The following ZNF107 variants were observed in gnomAD, a reference collection of about 807,000 sequenced individuals.
The protein encoded by ZNF107 is C2H2 type zinc-finger protein.
In ZNF107, 19 loss-of-function variants were observed where a neutral mutation model predicts 12.3. That is an observed-to-expected ratio of 1.55 (90% CI 1.08 to 2.27). ZNF107 has a LOEUF of 2.27. Among genes scored for constraint, ZNF107 ranks in the 30% most tolerant of loss-of-function variants. The pLI is 0.00. For missense variants in ZNF107, 958 were observed against 979.9 expected (o/e 0.98, Z 0.30); for synonymous variants, 317 against 330.5 (o/e 0.96, Z 0.44).
intron 1 of ZNF107, chr7:64,684,807 A>G (rs1206378329): frequency 1.2e-6 from 1 of 857,736 alleles, no homozygotes. Context: ...CTCTTTATCT[A>G]TCCCTCCTGC....
Position 64,706,890 on chromosome 7 carries a change from G to T in ZNF107, c.793G>T (p.Ala265Ser), listed in dbSNP as rs769120990. 1.2e-6 allele frequency: 2 copies of T among 1,613,074 alleles called. No homozygotes were observed. The highest frequency in any genetic ancestry group is 2.7e-5 in the African/African-American group (2 of 74,840). Residue 265 changes from alanine (A) to serine (S), a missense_variant, in exon 4 of 4, where the codon GCC (alanine) becomes TCC (serine). Ala to Ser is a moderately conservative substitution (Grantham distance 99). Coordinates refer to ENST00000620827, the MANE Select transcript of ZNF107 (RefSeq NM_001282359.2). Reference sequence around the variant, plus strand: ...CAACAAATGTGAAGAATGTGGCAAGGCCTTTAAACAGGCCTCACACCTTAC... The same window carrying T: ...CAACAAATGTGAAGAATGTGGCAAGTCCTTTAAACAGGCCTCACACCTTAC... ...KPNKCEECGK[A>S]FKQASHLTIH...
intron 3 of ZNF107, among the ~76,000 whole-genome samples, chr7:64,699,234 C>CT (rs1790390886): frequency 6.6e-6 from 1 of 152,048 alleles, no homozygotes. Flanking sequence ...TTGTTCACCA[C>CT]TGTATGTTAT....
At chr7:64,699,370 A>G (rs1333411815) in intron 3 of ZNF107, among the ~76,000 whole-genome samples, 1 of 152,128 alleles carries the variant, frequency 6.6e-6, no homozygotes, top group Non-Finnish European at 1.5e-5. Flanking sequence ...AGGTTTATTC[A>G]GTTTTGTCAG....
intron 1 of ZNF107, among the ~76,000 whole-genome samples, chr7:64,667,125 C>G (rs934908317): frequency 3.9e-5 from 6 of 152,180 alleles, no homozygotes; most frequent in African/African-American, 7.2e-5. Context: ...CAGATTTTCC[C>G]CTGCAACTTT....
At position 64,707,378 on chromosome 7, in the gene ZNF107, T is replaced by C; in HGVS notation, c.1281T>C (p.Cys427=). 6.2e-7 allele frequency: 1 copy of C among 1,613,488 alleles called. No homozygotes were observed. The highest frequency in any genetic ancestry group is 1.1e-5 in the South Asian group (1 of 91,060). The part of the protein sequence containing the change: ...IIHTGEKPYK[C]KECGKAFNQS... The stretch of plus-strand genomic sequence containing the variant: ...ATACTGGAGAGAAACCCTACAAATG[T>C]AAAGAATGTGGCAAAGCTTTTAACC... Residue 427 remains cysteine, a synonymous_variant, in exon 4 of 4, where the codon TGT becomes TGC. Coordinates refer to ENST00000620827, the MANE Select transcript of ZNF107 (RefSeq NM_001282359.2).
At position 64,702,774 on chromosome 7, in the gene ZNF107, C is replaced by T. The variant is rs572184821; in HGVS notation, c.227-3550C>T. Among the ~76,000 whole-genome samples, 209 of 151,782 alleles carry T rather than the reference C, an allele frequency of 1.4e-3. 1 individual carries two copies. Among genetic ancestry groups the T allele is most frequent in the Non-Finnish European group, 3.7e-4 (25 of 67,966 alleles). ...GTTTCTCCATGTTGGTCAGGCTGTT[C>T]TCGAACTCTCCCGACCTCAGGTGAT... On this transcript the variant is annotated intron_variant, in intron 3 of 3. Coordinates refer to ENST00000620827, the MANE Select transcript of ZNF107 (RefSeq NM_001282359.2).
At position 64,708,471 on chromosome 7, in the gene ZNF107, G is replaced by A. The variant is rs1299883582; in HGVS notation, c.2374G>A (p.Glu792Lys). 1 of 1,612,810 alleles carries A rather than the reference G, an allele frequency of 6.2e-7. No individual in the cohort carries two copies. The highest frequency in any genetic ancestry group is 8.5e-7 in the Non-Finnish European group (1 of 1,179,540). ...TACTTCAGAGAAACCCTACAAATGT[G>A]AAGAATGTGGCAAATCCTTTAACCA... ...IHTSEKPYKCEECGKSFNQFS... is the reference protein window; with the variant it reads ...IHTSEKPYKCKECGKSFNQFS... Residue 792 changes from glutamate (E) to lysine (K), a missense_variant, in exon 4 of 4, where the codon GAA becomes AAA. Physicochemically the swap from Glu to Lys is moderately conservative, Grantham distance 56 (BLOSUM62 1). Coordinates refer to ENST00000620827, the MANE Select transcript of ZNF107 (RefSeq NM_001282359.2).
Position 64,691,352 on chromosome 7 carries a change from C to T in ZNF107, c.108C>T (p.Asn36=). ...RDLYRNVLLE[N]YRNLVFLGIA... Reference sequence around the variant, plus strand: ...TATATAGGAATGTGTTGTTAGAGAACTACAGAAACCTGGTCTTTTTGGGTG... The same window carrying T: ...TATATAGGAATGTGTTGTTAGAGAATTACAGAAACCTGGTCTTTTTGGGTG... Residue 36 remains asparagine (N), a synonymous_variant, in exon 2 of 4, where the codon AAC becomes AAT. Transcript: ENST00000620827. The T allele has an allele frequency of 6.6e-7, 1 of 1,505,398 alleles. No homozygotes were observed. The highest frequency in any genetic ancestry group is 8.9e-7 in the Non-Finnish European group (1 of 1,129,322). The allele number at this position is 1,505,398 out of a possible 1,614,324, so 93.3% of individuals were successfully genotyped here. A position where few individuals can be genotyped will look rare whatever the true frequency, so the allele number is the denominator to read the frequency against.
At chr7:64,671,682 A>G (rs746466367) in intron 1 of ZNF107, among the ~76,000 whole-genome samples, 22 of 151,912 alleles carry the variant, frequency 1.4e-4, no homozygotes, top group Non-Finnish European at 2.8e-4. Context: ...TTTGTTATAT[A>G]GGTAAAATTG....
At chr7:64,690,587 T>G in intron 1 of ZNF107, 1 of 948,794 alleles carries the variant, frequency 1.1e-6, no homozygotes. Flanking sequence ...TGCAGAGACA[T>G]TCCATTTAGC....
intron 1 of ZNF107, among the ~76,000 whole-genome samples, chr7:64,688,438 G>A (rs1000727373): frequency 5.3e-5 from 8 of 151,844 alleles, no homozygotes; most frequent in Admixed American, 6.6e-5. Flanking sequence ...TGTATGTTTA[G>A]TGGAAGGGGG....
chr7:64,708,859 C>T lies in ZNF107; in HGVS notation c.*203C>T, dbSNP rs1046966364. 3.2e-5 allele frequency: 20 copies of T among 619,522 alleles called. No homozygotes were observed. In the Admixed American group the frequency reaches 3.7e-4, roughly 11 times the overall value. The allele number at this position is 619,522 out of a possible 1,614,324, so 38.4% of individuals were successfully genotyped here. On this transcript the variant is annotated 3_prime_UTR_variant, in exon 4 of 4. Coordinates refer to ENST00000620827, the MANE Select transcript of ZNF107 (RefSeq NM_001282359.2). ...AACCTTACTGAAAGTTGAGAAAATT[C>T]GTACTGGAGAGAATCCTACAAATGT... is the stretch of plus-strand genomic sequence containing the variant.
rs1241598399 is a variant in ZNF107, at chr7:64,711,098, A to G, written c.*2442A>G. 2.0e-5 allele frequency: 3 copies of G among 152,160 alleles called. No homozygotes were observed. Among genetic ancestry groups the G allele is most frequent in the Non-Finnish European group, 4.4e-5 (3 of 67,990 alleles). The allele number at this position is 152,160 out of a possible 1,614,324, so 9.4% of individuals were successfully genotyped here. A position where few individuals can be genotyped will look rare whatever the true frequency, so the allele number is the denominator to read the frequency against. ...ACATGTTAAAACTATTGTGCATTCA[A>G]TGAAGTGTTTTCATGCCACTGACTT... On this transcript the variant is annotated 3_prime_UTR_variant, in exon 4 of 4. Transcript: ENST00000620827.
intron 1 of ZNF107, among the ~76,000 whole-genome samples, chr7:64,673,901 C>T (rs189638171): frequency 6.6e-6 from 1 of 152,180 alleles, no homozygotes; most frequent in Admixed American, 6.5e-5. Context: ...TATTTCTGGG[C>T]TCTATTGTGT....
chr7:64,697,676 A>G (rs978399821), intron 3 of ZNF107, among the ~76,000 whole-genome samples: 2 of 149,062 alleles, frequency 1.3e-5, no homozygotes, highest in Non-Finnish European at 3.0e-5. Context: ...ATTTTTAATT[A>G]TTTTAGAAAC....
rs1301742007 is a variant in ZNF107 at position 64,708,484 on chromosome 7, A to T, written c.2387A>T (p.Lys796Ile). ...EKPYKCEECG[K>I]SFNQFSSLNI... ...CCCTACAAATGTGAAGAATGTGGCA[A>T]ATCCTTTAACCAGTTCTCATCTCTT... The change falls in exon 4 of 4, where the codon AAA becomes ATA. Residue 796 changes from lysine to isoleucine, a missense_variant. Transcript: ENST00000620827. 3.1e-6 allele frequency: 5 copies of T among 1,612,998 alleles called. No individual in the cohort carries two copies. The highest frequency in any genetic ancestry group is 4.2e-6 in the Non-Finnish European group (5 of 1,179,632).
intron 3 of ZNF107, among the ~76,000 whole-genome samples, chr7:64,696,360 A>T (rs557127634): frequency 2.0e-5 from 3 of 151,280 alleles, no homozygotes; most frequent in East Asian, 4.0e-4. Context: ...CAGTTTTTTT[A>T]AAAAAATAGC....
chr7:64,692,721 G>T (rs1790156141), intron 3 of ZNF107, among the ~76,000 whole-genome samples: 1 of 151,174 alleles, frequency 6.6e-6, no homozygotes. Context: ...TTACCTCCTT[G>T]GTTTAATTTG....
Position 64,710,598 on chromosome 7 carries a change from G to A in ZNF107, c.*1942G>A, listed in dbSNP as rs893329248. ...ACTTTAAAAGAAGTAGAATTTTTTTGTAGATGTATAATTACATTCAAATTA... is the reference window on the plus strand; with the variant it reads ...ACTTTAAAAGAAGTAGAATTTTTTTATAGATGTATAATTACATTCAAATTA... On this transcript the variant is annotated 3_prime_UTR_variant, in exon 4 of 4. Transcript: ENST00000620827. The A allele has an allele frequency of 3.3e-5, 5 of 152,062 alleles. No homozygotes were observed. The highest frequency in any genetic ancestry group is 2.6e-4 in the Admixed American group (4 of 15,262). 9.4% of individuals were successfully genotyped at this position (152,062 alleles called of 1,614,324 possible).
Sources: gnomAD v4.1 joint callset for allele counts (sites outside exome capture counted in the v4.1 genomes callset) on GRCh38, gnomAD v4.1.1 for gene constraint, MANE v1.5 for transcripts, NCBI Gene and HGNC (gene_info 2026-07-23, HGNC 2026-07-21) for gene names.